NELL1: variants seen among roughly 807,000 people sequenced by gnomAD.
NELL1 encodes the protein neural EGFL like 1.
Under a neutral mutation model 107.4 loss-of-function variants are expected in NELL1, and 76 were observed. The observed-to-expected ratio is 0.71, with a 90% confidence interval of 0.59 to 0.86. The LOEUF is 0.86. NELL1 is among the 40% of genes least tolerant of loss of function. The probability of loss-of-function intolerance (pLI) is 0.00; values close to 1 mark genes in which losing one functional copy is unlikely to be tolerated. For synonymous variants in NELL1, 353 were observed against 341.2 expected (o/e 1.03, Z -0.38); for missense variants, 1,024 against 1,005.5 (o/e 1.02, Z -0.25).
intron 14 of NELL1, among the ~76,000 whole-genome samples, chr11:21,239,353 TCTCA>T: frequency 6.6e-6 from 1 of 152,152 alleles, no homozygotes; most frequent in East Asian, 1.9e-4. Flanking sequence ...GGATGGATCG[TCTCA>T]CTATTTGTTG....
chr11:21,169,837 T>G (rs1856564029), intron 13 of NELL1: 3 of 1,421,700 alleles, frequency 2.1e-6, no homozygotes, highest in Non-Finnish European at 2.9e-6. Flanking sequence ...ATGCAAGTGC[T>G]TGCACCCCAG....
chr11:20,931,495 C>T (rs942404123), intron 9 of NELL1, among the ~76,000 whole-genome samples: 1 of 152,098 alleles, frequency 6.6e-6, no homozygotes, highest in African/African-American at 2.4e-5. Flanking sequence ...TAGTTCTTAG[C>T]CATACCACAG....
chr11:21,040,436 G>A (rs924632603), intron 12 of NELL1, among the ~76,000 whole-genome samples: 3 of 152,058 alleles, frequency 2.0e-5, no homozygotes, highest in African/African-American at 4.8e-5. Flanking sequence ...ATGTATTATC[G>A]TGCATCAAAG....
intron 12 of NELL1, among the ~76,000 whole-genome samples, chr11:21,045,408 T>C (rs1259518550): frequency 1.3e-5 from 2 of 152,096 alleles, no homozygotes; most frequent in African/African-American, 4.8e-5. Flanking sequence ...TTTTGAGTGT[T>C]TTTCAAATTG....
chr11:20,966,846 C>T (rs11822950), intron 12 of NELL1, among the ~76,000 whole-genome samples: 2 of 151,982 alleles, frequency 1.3e-5, no homozygotes, highest in African/African-American at 4.8e-5. Context: ...CTGCCGCCCC[C>T]TGCCCCGACA....
In NELL1 at chr11:20,683,592, A is replaced by G. The variant is rs114940470; in HGVS notation, c.184+5532A>G. Among the ~76,000 whole-genome samples, 1,377 of 152,072 alleles carry G rather than the reference A, an allele frequency of 9.1e-3. 17 individuals are homozygous for G. The highest frequency in any genetic ancestry group is 0.032 in the African/African-American group (1,313 of 41,520). The stretch of plus-strand genomic sequence containing the variant: ...TATATTTCCACCCGATATTATTTTC[A>G]TCCTGCCTGAAGGACTTTCTTTAAC... On this transcript the variant is annotated intron_variant, in intron 2 of 19. Transcript: ENST00000357134.
At chr11:20,863,605 G>A (rs1203899956) in intron 4 of NELL1, among the ~76,000 whole-genome samples, 4 of 150,166 alleles carry the variant, frequency 2.7e-5, no homozygotes, top group South Asian at 2.1e-4. Context: ...CCGGGAAGAG[G>A]CGGTCCTCAC....
intron 13 of NELL1, among the ~76,000 whole-genome samples, chr11:21,147,234 G>C (rs542165870): frequency 9.9e-5 from 15 of 152,254 alleles, no homozygotes; most frequent in East Asian, 7.8e-4. Flanking sequence ...GAAATGAGGA[G>C]CTGAACAAAA....
intron 4 of NELL1, among the ~76,000 whole-genome samples, chr11:20,880,535 T>A (rs918682005): frequency 3.9e-5 from 6 of 152,204 alleles, no homozygotes; most frequent in African/African-American, 9.7e-5. Flanking sequence ...AACCCAAACA[T>A]GTTTAATCCC....
chr11:21,035,521 G>C (rs759684354), intron 12 of NELL1, among the ~76,000 whole-genome samples: 27 of 150,138 alleles, frequency 1.8e-4, no homozygotes, highest in Non-Finnish European at 3.8e-4. Flanking sequence ...CAGCACATCA[G>C]AAAGCTTATT....
At chr11:20,922,702 G>A (rs1590419219) in intron 7 of NELL1, among the ~76,000 whole-genome samples, 1 of 152,088 alleles carries the variant, frequency 6.6e-6, no homozygotes, top group Non-Finnish European at 1.5e-5. Context: ...AGTCATATAG[G>A]TCATAGTGGA....
intron 13 of NELL1, among the ~76,000 whole-genome samples, chr11:21,180,872 A>G (rs1056480523): frequency 3.4e-5 from 5 of 145,026 alleles, no homozygotes; most frequent in African/African-American, 1.4e-4. Context: ...TCTTGTTTCA[A>G]AAAAAAAAAT....
chr11:21,172,433 T>C (rs1856626725), intron 13 of NELL1, among the ~76,000 whole-genome samples: 1 of 151,846 alleles, frequency 6.6e-6, no homozygotes, highest in Non-Finnish European at 1.5e-5. Context: ...CAGGGCTGAA[T>C]TTCCGTTGAT....
At chr11:20,844,713 C>A (rs1848675290) in intron 3 of NELL1, among the ~76,000 whole-genome samples, 2 of 152,222 alleles carry the variant, frequency 1.3e-5, no homozygotes. Context: ...ACCTGGCATA[C>A]TACTATAGTG....
At chr11:21,542,325 C>T (rs1247643946) in intron 16 of NELL1, among the ~76,000 whole-genome samples, 1 of 152,036 alleles carries the variant, frequency 6.6e-6, no homozygotes, top group African/African-American at 2.4e-5. Context: ...GTTCACACTG[C>T]ACTGCTTTCT....
At chr11:21,097,108 A>G (rs971028439) in intron 12 of NELL1, among the ~76,000 whole-genome samples, 2 of 151,710 alleles carry the variant, frequency 1.3e-5, no homozygotes, top group Admixed American at 1.3e-4. Context: ...TTTCAGCCCA[A>G]AGTTTTTGCA....
chr11:21,446,248 T>C (rs1374184987), intron 15 of NELL1, among the ~76,000 whole-genome samples: 1 of 152,188 alleles, frequency 6.6e-6, no homozygotes, highest in Non-Finnish European at 1.5e-5. Flanking sequence ...TTTCTCTGTG[T>C]TATCCTGAAT....
At chr11:20,904,714 C>T (rs541514179) in intron 5 of NELL1, among the ~76,000 whole-genome samples, 14 of 152,112 alleles carry the variant, frequency 9.2e-5, no homozygotes, top group African/African-American at 3.1e-4. Flanking sequence ...AAGGAGGGTC[C>T]CAGCACGGAG....
At chr11:20,938,339 G>T (rs904469128) in intron 10 of NELL1, among the ~76,000 whole-genome samples, 2 of 152,310 alleles carry the variant, frequency 1.3e-5, no homozygotes, top group East Asian at 3.9e-4. Context: ...CGACAAAAAT[G>T]CATTAAGCAA....
Sources: gnomAD v4.1 joint callset for allele counts (sites outside exome capture counted in the v4.1 genomes callset) on GRCh38, gnomAD v4.1.1 for gene constraint, MANE v1.5 for transcripts, NCBI Gene and HGNC (gene_info 2026-07-23, HGNC 2026-07-21) for gene names.